The following SLC8A1 variants were observed in gnomAD, a reference collection of about 807,000 sequenced individuals.
The protein encoded by SLC8A1 is sodium/calcium exchanger 1.
SLC8A1 carries 18 observed loss-of-function variants against 68.3 expected under a neutral mutation model. The ratio of observed to expected loss-of-function variants is 0.26; its 90% CI spans 0.18 to 0.39. SLC8A1 has a LOEUF of 0.39. Ranked by LOEUF, SLC8A1 falls within the 10% of genes least tolerant of loss-of-function variation. The probability of loss-of-function intolerance (pLI) is 1.00; values close to 1 mark genes in which losing one functional copy is unlikely to be tolerated. For synonymous variants in SLC8A1, 475 were observed against 415.5 expected (o/e 1.14, Z -1.74); for missense variants, 985 against 1,156.7 (o/e 0.85, Z 2.15).
At chr2:40,177,851 T>A (rs753807019) in exon 3 of SLC8A1, 14 of 1,546,914 alleles carry the variant, frequency 9.1e-6, no homozygotes, top group Non-Finnish European at 1.1e-5. Flanking sequence ...ATGGTAATGA[T>A]CTTCCTGTGG....
intron 1 of SLC8A1, among the ~76,000 whole-genome samples, chr2:40,489,320 C>T (rs956779070): frequency 1.2e-4 from 19 of 152,004 alleles, no homozygotes; most frequent in East Asian, 7.7e-4. Context: ...ACACGAGCCC[C>T]GTAAACCAAA....
chr2:40,248,545 G>C (rs2062226815), intron 2 of SLC8A1, among the ~76,000 whole-genome samples: 1 of 152,174 alleles, frequency 6.6e-6, no homozygotes, highest in African/African-American at 2.4e-5. Context: ...CTCTGGAACT[G>C]TGGGAAATAC....
chr2:40,267,563 T>C (rs897129477), intron 2 of SLC8A1, among the ~76,000 whole-genome samples: 5 of 152,200 alleles, frequency 3.3e-5, no homozygotes, highest in Admixed American at 1.3e-4. Context: ...GCAGGAAATA[T>C]GTGTATTGAC....
chr2:40,280,451 A>G (rs1004891609), intron 2 of SLC8A1, among the ~76,000 whole-genome samples: 2 of 152,180 alleles, frequency 1.3e-5, no homozygotes, highest in Admixed American at 6.6e-5. Flanking sequence ...TTCTTTCTTG[A>G]TGTAAAACAC....
At chr2:40,324,487 T>G (rs1270377760) in intron 2 of SLC8A1, among the ~76,000 whole-genome samples, 1 of 152,190 alleles carries the variant, frequency 6.6e-6, no homozygotes, top group Non-Finnish European at 1.5e-5. Context: ...CTCAGAAGTA[T>G]TCTTCCCCTT....
rs115682849 is a variant in SLC8A1, at chr2:40,360,479, T to C, written c.1808+67994A>G. Among the ~76,000 whole-genome samples the C allele has an allele frequency of 4.4e-3, 669 of 152,308 alleles. 5 individuals are homozygous for C. Among genetic ancestry groups the C allele is most frequent in the African/African-American group, 0.015 (627 of 41,566 alleles). On this transcript the variant is annotated intron_variant, in intron 2 of 7. Transcript: ENST00000406785. Reference sequence around the variant, plus strand: ...TGACAGGTGGTTATCCTCTACCTTATTGAATAACAAGAACAGTTAACACTT... The same window carrying C: ...TGACAGGTGGTTATCCTCTACCTTACTGAATAACAAGAACAGTTAACACTT...
intron 2 of SLC8A1, among the ~76,000 whole-genome samples, chr2:40,250,678 T>C (rs1413673540): frequency 1.3e-5 from 2 of 152,156 alleles, no homozygotes; most frequent in Non-Finnish European, 2.9e-5. Flanking sequence ...TTCGCCTAAC[T>C]TTCTCCTAGC....
At chr2:40,249,997 T>C (rs752127946) in intron 2 of SLC8A1, among the ~76,000 whole-genome samples, 1 of 152,196 alleles carries the variant, frequency 6.6e-6, no homozygotes, top group Non-Finnish European at 1.5e-5. Flanking sequence ...ACTCAAAACC[T>C]TCCGGGTGTA....
intron 2 of SLC8A1, among the ~76,000 whole-genome samples, chr2:40,278,885 G>C (rs545817385): frequency 6.6e-6 from 1 of 151,884 alleles, no homozygotes; most frequent in East Asian, 1.9e-4. Context: ...TTATTATTTG[G>C]TAATGATTTA....
chr2:40,234,227 A>G (rs1254596692), intron 2 of SLC8A1, among the ~76,000 whole-genome samples: 9 of 152,144 alleles, frequency 5.9e-5, no homozygotes, highest in Admixed American at 1.3e-4. Context: ...CTTCCTACCC[A>G]TGAGCATGGA....
chr2:40,432,024 G>A (rs1698430059), intron 1 of SLC8A1, among the ~76,000 whole-genome samples: 1 of 152,030 alleles, frequency 6.6e-6, no homozygotes, highest in African/African-American at 2.4e-5. Context: ...AAAAATAGAG[G>A]TAGCATATTT....
intron 2 of SLC8A1, among the ~76,000 whole-genome samples, chr2:40,395,050 A>T (rs1686482002): frequency 6.6e-6 from 1 of 152,220 alleles, no homozygotes; most frequent in African/African-American, 2.4e-5. Flanking sequence ...TTATAGATTT[A>T]ACAGACCACT....
intron 2 of SLC8A1, among the ~76,000 whole-genome samples, chr2:40,293,880 C>T (rs959827180): frequency 6.6e-5 from 10 of 152,004 alleles, no homozygotes; most frequent in Admixed American, 1.3e-4. Context: ...CTGAGTCAGT[C>T]GTAAAACAGA....
At chr2:40,327,523 T>C (rs183384943) in intron 2 of SLC8A1, among the ~76,000 whole-genome samples, 4 of 152,296 alleles carry the variant, frequency 2.6e-5, no homozygotes, top group Admixed American at 2.6e-4. Context: ...TGCTAGACTG[T>C]GAGGCACAAA....
chr2:40,269,398 T>C (rs61486102), intron 2 of SLC8A1, among the ~76,000 whole-genome samples: 37,042 of 152,036 alleles, frequency 0.24, 4,821 homozygotes, highest in Admixed American at 0.34. Flanking sequence ...AGAAAATGGA[T>C]TTTTCTGTTG....
At chr2:40,399,095 T>C (rs1456363305) in intron 2 of SLC8A1, among the ~76,000 whole-genome samples, 3 of 152,172 alleles carry the variant, frequency 2.0e-5, no homozygotes, top group Non-Finnish European at 4.4e-5. Flanking sequence ...TTTTAACATT[T>C]TCATGGTCAT....
chr2:40,448,213 C>A (rs896491635), intron 1 of SLC8A1, among the ~76,000 whole-genome samples: 1 of 151,980 alleles, frequency 6.6e-6, no homozygotes, highest in Non-Finnish European at 1.5e-5. Context: ...TTGTGTAAAA[C>A]GTATTTTGTA....
At chr2:40,387,418 T>C (rs1278427036) in intron 2 of SLC8A1, among the ~76,000 whole-genome samples, 1 of 151,312 alleles carries the variant, frequency 6.6e-6, no homozygotes. Flanking sequence ...GGCTAAAGTT[T>C]CCAAAACTCA....
rs114407087 is a variant in SLC8A1 at position 40,162,181 on chromosome 2, G to T, written c.2062-1317C>A. Among the ~76,000 whole-genome samples, 1,142 of 152,254 alleles carry T rather than the reference G, an allele frequency of 7.5e-3. 8 individuals are homozygous for T. Among genetic ancestry groups the T allele is most frequent in the African/African-American group, 0.026 (1,067 of 41,544 alleles). On this transcript the variant is annotated intron_variant, in intron 5 of 7. Transcript: ENST00000406785. ...TTCCAGCTTTGTGTCTAGAACTGCTGGTGCCCCTGATAACAGCTGTAACCA... is the reference window on the plus strand; with the variant it reads ...TTCCAGCTTTGTGTCTAGAACTGCTTGTGCCCCTGATAACAGCTGTAACCA...
Sources: gnomAD v4.1 joint callset for allele counts (sites outside exome capture counted in the v4.1 genomes callset) on GRCh38, gnomAD v4.1.1 for gene constraint, MANE v1.5 for transcripts, NCBI Gene and HGNC (gene_info 2026-07-23, HGNC 2026-07-21) for gene names.